Variants in CHID1 observed in about 807,000 individuals in gnomAD.
The protein encoded by CHID1 is chitinase domain containing 1.
CHID1 carries 44 observed loss-of-function variants against 55.4 expected under a neutral mutation model. The ratio of observed to expected loss-of-function variants is 0.79; its 90% confidence interval spans 0.62 to 1.02. The LOEUF (loss-of-function observed/expected upper bound fraction) is 1.02. Among genes scored for constraint, CHID1 ranks in the 50% least tolerant of loss-of-function variants. The probability of loss-of-function intolerance (pLI) is 0.00; values close to 1 mark genes in which losing one functional copy is unlikely to be tolerated. For synonymous variants in CHID1, 216 were observed against 212.9 expected (o/e 1.01, Z -0.13); for missense variants, 491 against 515.3 (o/e 0.95, Z 0.46).
upstream of CHID1, chr11:910,920 G>T: frequency 1.2e-6 from 1 of 802,468 alleles, no homozygotes; most frequent in Non-Finnish European, 1.5e-6. Flanking sequence ...AGGGGACTGG[G>T]CAGGGCTGCC....
intron 1 of CHID1, chr11:908,778 T>G (rs1009924431): frequency 5.6e-6 from 1 of 178,708 alleles, no homozygotes; most frequent in African/African-American, 2.4e-5. Flanking sequence ...TGCCCCTACC[T>G]GCCGTCCTGC....
intron 1 of CHID1, among the ~76,000 whole-genome samples, chr11:906,845 A>G (rs1852257228): frequency 6.6e-6 from 1 of 152,028 alleles, no homozygotes; most frequent in Non-Finnish European, 1.5e-5. Flanking sequence ...CCTGACCAAC[A>G]TGGACAAACC....
At chr11:902,027 T>A in intron 4 of CHID1, 171 bp downstream of exon 4, 1 of 626,310 alleles carries the variant, frequency 1.6e-6, no homozygotes, top group Non-Finnish European at 2.6e-6. Flanking sequence ...ACATCATCAG[T>A]CTCACACTTA....
intron 8 of CHID1, among the ~76,000 whole-genome samples, chr11:885,014 G>C (rs1850286787): frequency 6.6e-6 from 1 of 152,240 alleles, no homozygotes; most frequent in Non-Finnish European, 1.5e-5. Flanking sequence ...GACAGGAGCA[G>C]TACATGAAGG....
At position 899,362 on chromosome 11, in the gene CHID1, G is replaced by A; in HGVS notation, c.586C>T (p.Gln196Ter). Residue 196 changes from glutamine (Q) to a stop codon, truncating the protein, a stop_gained, in exon 7 of 13, where the codon CAG becomes TAG. Coordinates refer to ENST00000323578, the MANE Select transcript of CHID1 (RefSeq NM_023947.4). LOFTEE classifies it high-confidence loss of function. ...CACACGCGCTTCTGGCTTAGCAGCT[G>A]GTTCCAGACCTCCACCACGAAGCCA... The part of the protein sequence containing the change: ...FDGFVVEVWN[Q>*]LLSQKRVGLI... The A allele has an allele frequency of 6.2e-7, 1 of 1,604,894 alleles. No individual in the cohort carries two copies. The highest frequency in any genetic ancestry group is 8.5e-7 in the Non-Finnish European group (1 of 1,175,708).
rs1207784423 is a variant in CHID1, at chr11:883,310, G to A, written c.804-7C>T. On this transcript the variant is annotated splice_region_variant and splice_polypyrimidine_tract_variant and intron_variant, in intron 9 of 12. Coordinates refer to ENST00000323578, the MANE Select transcript of CHID1 (RefSeq NM_023947.4). ...GGGTGCATTAGGGCCAGGCCTGCAG[G>A]GCAAGGGGTGAGCGAGTTTCAGCAA... 1.2e-6 allele frequency: 2 copies of A among 1,604,194 alleles called. No individual in the cohort carries two copies. Among genetic ancestry groups the A allele is most frequent in the South Asian group, 1.1e-5 (1 of 90,862 alleles).
At chr11:900,797 T>A (rs1474145437) in intron 5 of CHID1, 139 bp downstream of exon 5, 2 of 668,104 alleles carry the variant, frequency 3.0e-6, no homozygotes, top group Admixed American at 3.4e-5. Context: ...AGGGCCAGCC[T>A]CATCTCTGAG....
At chr11:903,309 C>T (rs1851959804) in intron 2 of CHID1, among the ~76,000 whole-genome samples, 198 bp from the exon 3 acceptor site, 1 of 152,236 alleles carries the variant, frequency 6.6e-6, no homozygotes, top group Non-Finnish European at 1.5e-5. Flanking sequence ...TGGCCGTCAA[C>T]AGACACTGGC....
intron 7 of CHID1, among the ~76,000 whole-genome samples, chr11:894,121 C>CAAA (rs58548115): frequency 1.4e-4 from 8 of 58,066 alleles, no homozygotes; most frequent in African/African-American, 5.1e-4. Context: ...GACTCTGTCT[C>CAAA]AAAAAAAAAA....
At position 899,396 on chromosome 11, in the gene CHID1, C is replaced by T. The variant is rs2134301993; in HGVS notation, c.552G>A (p.Gln184=). 2 of 1,601,594 alleles carry T rather than the reference C, an allele frequency of 1.2e-6. No homozygotes were observed. Among genetic ancestry groups the T allele is most frequent in the Non-Finnish European group, 1.7e-6 (2 of 1,173,948 alleles). ...SKTVVQVAKN[Q]HFDGFVVEVW... is the part of the protein sequence containing the mutation. ...CCTCCACCACGAAGCCATCGAAATG[C>T]TGGTTCTGAAAGAAGCAGTCACAGG... Residue 184 remains glutamine (Q), a synonymous_variant, in exon 7 of 13, where the codon CAG becomes CAA. Coordinates refer to ENST00000323578, the MANE Select transcript of CHID1 (RefSeq NM_023947.4).
At chr11:887,819 G>A (rs1327810973) in intron 8 of CHID1, among the ~76,000 whole-genome samples, 1 of 152,182 alleles carries the variant, frequency 6.6e-6, no homozygotes, top group Non-Finnish European at 1.5e-5. Flanking sequence ...CCTCTCGTGG[G>A]CGCCATGCCC....
rs550101663 is a variant in CHID1, at chr11:875,962, G to A, written c.960-5463C>T. Among the ~76,000 whole-genome samples, 11 of 152,286 alleles carry A rather than the reference G, an allele frequency of 7.2e-5. No homozygotes were observed. The South Asian group carries it at 2.1e-3, about 29-fold the overall frequency. Reference sequence around the variant, plus strand: ...CTGGCTGGTGTGGGTGGCAGGCGCCGCATTGCTTGGCGGTGCACGTGGTGT... The same window carrying A: ...CTGGCTGGTGTGGGTGGCAGGCGCCACATTGCTTGGCGGTGCACGTGGTGT... On this transcript the variant is annotated intron_variant, in intron 10 of 12. Coordinates refer to ENST00000323578, the MANE Select transcript of CHID1 (RefSeq NM_023947.4). This position sits in a 1 kb window ranked among gnomAD's most constrained non-coding sequence, Gnocchi z 4.7.
At chr11:891,171 G>A (rs1252293615) in intron 8 of CHID1, among the ~76,000 whole-genome samples, 1 of 152,126 alleles carries the variant, frequency 6.6e-6, no homozygotes, top group Non-Finnish European at 1.5e-5. Context: ...GAACCCACGG[G>A]AGCCTCAGCA....
At chr11:873,503 G>A (rs1210294805) in intron 10 of CHID1, among the ~76,000 whole-genome samples, 1 of 152,174 alleles carries the variant, frequency 6.6e-6, no homozygotes, top group African/African-American at 2.4e-5. Flanking sequence ...CTGGGAGGAA[G>A]GAAGGGCCAC....
chr11:906,797 G>A (rs546773966), intron 1 of CHID1, among the ~76,000 whole-genome samples: 20 of 151,518 alleles, frequency 1.3e-4, no homozygotes, highest in African/African-American at 4.4e-4. Flanking sequence ...GGGAGGCCAA[G>A]GCAGGCAGAT....
rs565798538 is a variant in CHID1, at chr11:884,239, G to C, written c.702-70C>G. The C allele has an allele frequency of 1.4e-5, 17 of 1,231,964 alleles. 1 individual carries two copies. The South Asian group carries it at 2.1e-4, about 15-fold the overall frequency. 76.3% of individuals were successfully genotyped at this position (1,231,964 alleles called of 1,614,324 possible). A position where few individuals can be genotyped will look rare whatever the true frequency, so the allele number is the denominator to read the frequency against. On this transcript the variant is annotated intron_variant, in intron 8 of 12. Coordinates refer to ENST00000323578, the MANE Select transcript of CHID1 (RefSeq NM_023947.4). Reference sequence around the variant, plus strand: ...TGAAGCCCCTCCCCAGCTGCGGTTCGAGCAAGCTGCCTGTAGGGGACTTGG... The same window carrying C: ...TGAAGCCCCTCCCCAGCTGCGGTTCCAGCAAGCTGCCTGTAGGGGACTTGG...
Position 886,191 on chromosome 11 carries a change from G to T in CHID1, c.702-2022C>A, listed in dbSNP as rs58905873. On this transcript the variant is annotated intron_variant, in intron 8 of 12. Coordinates refer to ENST00000323578, the MANE Select transcript of CHID1 (RefSeq NM_023947.4). Reference sequence around the variant, plus strand: ...AAAAGGAAAAATGGCGGGGTGTGATGGCTCACACCTGTAATCCCAGCATTT... The same window carrying T: ...AAAAGGAAAAATGGCGGGGTGTGATTGCTCACACCTGTAATCCCAGCATTT... Among the ~76,000 whole-genome samples, 506 of 149,562 alleles carry T rather than the reference G, an allele frequency of 3.4e-3. 19 individuals are homozygous for T. In the East Asian group the frequency reaches 0.087, roughly 26 times the overall value.
In CHID1 at chr11:875,429, T is replaced by C. The variant is rs891231117; in HGVS notation, c.960-4930A>G. Among the ~76,000 whole-genome samples the C allele has an allele frequency of 2.0e-5, 3 of 152,128 alleles. No individual in the cohort carries two copies. The highest frequency in any genetic ancestry group is 4.4e-5 in the Non-Finnish European group (3 of 68,010). On this transcript the variant is annotated intron_variant, in intron 10 of 12. Transcript: ENST00000323578. This position sits in a 1 kb window ranked among gnomAD's most constrained non-coding sequence, Gnocchi z 4.7. ...CAGCCAGTCCCTGCACCTGGCCCCATTGGGGATGTGCTCAGGAGCTGCTGC... is the reference window on the plus strand; with the variant it reads ...CAGCCAGTCCCTGCACCTGGCCCCACTGGGGATGTGCTCAGGAGCTGCTGC...
At chr11:899,961 C>T (rs781092865) in intron 6 of CHID1, 43 bp downstream of exon 6, 16 of 1,497,164 alleles carry the variant, frequency 1.1e-5, no homozygotes, top group African/African-American at 2.8e-5. Flanking sequence ...AGGTGGGACC[C>T]GGGGGGCTGT....
Sources: allele counts gnomAD v4.1 joint callset (sites outside exome capture counted in the v4.1 genomes callset), GRCh38; gene constraint gnomAD v4.1.1; non-coding constraint Gnocchi (gnomAD v3.1); transcripts MANE v1.5; gene names NCBI Gene and HGNC (gene_info 2026-07-23, HGNC 2026-07-21).